COL23A1: variants seen among roughly 807,000 people sequenced by gnomAD.
COL23A1 encodes the protein collagen type XXIII alpha 1 chain, also known as collagen alpha-1(XXIII) chain.
A neutral mutation model predicts 99.3 loss-of-function variants in COL23A1; 97 were observed. The observed-to-expected ratio is 0.98, with a 90% CI of 0.83 to 1.16. The LOEUF is 1.16. Ranked by LOEUF, COL23A1 falls within the 50% of genes most tolerant of loss-of-function variation. The probability of loss-of-function intolerance (pLI) is 0.00; values close to 1 mark genes in which losing one functional copy is unlikely to be tolerated. For synonymous variants in COL23A1, 320 were observed against 308.2 expected (o/e 1.04, Z -0.40); for missense variants, 762 against 757.4 (o/e 1.01, Z -0.07).
chr5:178,486,193 A>G (rs759147694), intron 2 of COL23A1, among the ~76,000 whole-genome samples: 3 of 152,190 alleles, frequency 2.0e-5, no homozygotes, highest in Non-Finnish European at 2.9e-5. Flanking sequence ...GAAGTGAACA[A>G]CCTTGAATGT....
At chr5:178,243,844 A>C (rs1462436834) in intron 25 of COL23A1, among the ~76,000 whole-genome samples, 1 of 152,034 alleles carries the variant, frequency 6.6e-6, no homozygotes, top group Non-Finnish European at 1.5e-5. Flanking sequence ...CCTTAGCTCC[A>C]CCCTCAACTG....
intron 2 of COL23A1, among the ~76,000 whole-genome samples, chr5:178,326,146 A>G (rs1285914678): frequency 2.6e-5 from 4 of 152,130 alleles, no homozygotes; most frequent in Non-Finnish European, 4.4e-5. Flanking sequence ...CCATTTCAGG[A>G]AAGATCTCTT....
At chr5:178,294,140 G>A (rs997214085) in intron 3 of COL23A1, among the ~76,000 whole-genome samples, 2 of 152,100 alleles carry the variant, frequency 1.3e-5, no homozygotes, top group African/African-American at 2.4e-5. Flanking sequence ...ATGCAGATCT[G>A]ATCCTGACAC....
At chr5:178,249,704 A>ACTCTCTCT (rs1764910439) in intron 18 of COL23A1, among the ~76,000 whole-genome samples, 1 of 103,122 alleles carries the variant, frequency 9.7e-6, no homozygotes, top group African/African-American at 3.2e-5. Flanking sequence ...ACACACACAC[A>ACTCTCTCT]CACACACACA....
chr5:178,314,529 G>A (rs1426345282), intron 2 of COL23A1, among the ~76,000 whole-genome samples: 2 of 152,158 alleles, frequency 1.3e-5, no homozygotes, highest in East Asian at 3.9e-4. Context: ...GGGGTGGTAG[G>A]TGTCCCCAGT....
chr5:178,557,101 T>C (rs979999827), intron 2 of COL23A1, among the ~76,000 whole-genome samples: 5 of 152,162 alleles, frequency 3.3e-5, no homozygotes, highest in African/African-American at 9.6e-5. Context: ...GGAGAGTCCC[T>C]CCCACACCCC....
intron 25 of COL23A1, 55 bp from the exon 26 acceptor site, chr5:178,242,449 T>C (rs1441540666): frequency 5.7e-6 from 9 of 1,565,484 alleles, no homozygotes; most frequent in Non-Finnish European, 7.0e-6. Context: ...TTTGCCCCTC[T>C]GTTACCGGCT....
At chr5:178,549,311 GA>G (rs199711187) in intron 2 of COL23A1, among the ~76,000 whole-genome samples, 18 of 144,630 alleles carry the variant, frequency 1.2e-4, no homozygotes, top group African/African-American at 3.8e-4. Context: ...AATACTTCTT[GA>G]AAAAAAAAAT....
chr5:178,379,279 TCTCATGAGTCAGCACTG>T (rs2127733850), intron 2 of COL23A1, among the ~76,000 whole-genome samples: 1 of 152,108 alleles, frequency 6.6e-6, no homozygotes, highest in South Asian at 2.1e-4. Context: ...TTGAAAGGTA[TCTCATGAGTCAGCACTG>T]TTGACCGTAG....
intron 9 of COL23A1, among the ~76,000 whole-genome samples, chr5:178,262,550 T>C (rs1465592597): frequency 6.6e-6 from 1 of 151,874 alleles, no homozygotes; most frequent in African/African-American, 2.4e-5. Context: ...GGCAGTCTGG[T>C]GGTGGCATGG....
intron 2 of COL23A1, among the ~76,000 whole-genome samples, chr5:178,490,221 C>T (rs35114706): frequency 0.37 from 55,463 of 151,016 alleles, 11,819 homozygotes; most frequent in Admixed American, 0.5. Flanking sequence ...AGTGAAATTC[C>T]ATCTCAAAAA....
At chr5:178,312,779 T>C (rs1758772380) in intron 2 of COL23A1, among the ~76,000 whole-genome samples, 1 of 151,492 alleles carries the variant, frequency 6.6e-6, no homozygotes, top group African/African-American at 2.4e-5. Context: ...ACCCTGATCC[T>C]CCCTTCAGCC....
chr5:178,580,615 G>A lies in COL23A1; in HGVS notation c.294+9289C>T, dbSNP rs191164738. 9.8e-4 allele frequency among the ~76,000 whole-genome samples: 150 copies of A among 152,318 alleles called. 2 individuals are homozygous for A. Among genetic ancestry groups the A allele is most frequent in the Non-Finnish European group, 1.2e-4 (8 of 68,034 alleles). On this transcript the variant is annotated intron_variant, in intron 1 of 28. Transcript: ENST00000390654. ...AACTGCATAAGGGAGAAAGCTGGAG[G>A]TGGTGTGTGGCCTCTGGAGAATCTT... is the stretch of plus-strand genomic sequence containing the variant.
At chr5:178,584,809 AGACT>A (rs1449067709) in intron 1 of COL23A1, among the ~76,000 whole-genome samples, 9 of 152,208 alleles carry the variant, frequency 5.9e-5, no homozygotes, top group African/African-American at 1.9e-4. Flanking sequence ...GGTCTCTGGT[AGACT>A]GACTACCTTG....
At chr5:178,318,238 G>A (rs1759082051) in intron 2 of COL23A1, among the ~76,000 whole-genome samples, 1 of 152,232 alleles carries the variant, frequency 6.6e-6, no homozygotes, top group Non-Finnish European at 1.5e-5. Flanking sequence ...ACACATTTGT[G>A]GGGTCAGAAG....
intron 2 of COL23A1, among the ~76,000 whole-genome samples, chr5:178,358,233 T>C (rs576709250): frequency 0.017 from 1,270 of 73,510 alleles, 20 homozygotes; most frequent in African/African-American, 0.06. Context: ...AATGTGTGTA[T>C]GTGTGTATGT....
At chr5:178,337,326 G>A (rs547342906) in intron 2 of COL23A1, among the ~76,000 whole-genome samples, 1 of 152,254 alleles carries the variant, frequency 6.6e-6, no homozygotes, top group Non-Finnish European at 1.5e-5. Context: ...AGAGGTTCCC[G>A]TGGGAGTTGG....
At chr5:178,256,327 G>T in intron 15 of COL23A1, 26 bp downstream of exon 15, 3 of 1,580,534 alleles carry the variant, frequency 1.9e-6, no homozygotes, top group Non-Finnish European at 2.6e-6. Flanking sequence ...CATCCCTGAG[G>T]CCTCGCCTGA....
intron 1 of COL23A1, among the ~76,000 whole-genome samples, chr5:178,573,742 T>C (rs1438933798): frequency 2.6e-5 from 4 of 152,208 alleles, no homozygotes; most frequent in Non-Finnish European, 5.9e-5. Context: ...TACAATGAAA[T>C]ACTACTCTAT....
Sources: gnomAD v4.1 joint callset for allele counts (sites outside exome capture counted in the v4.1 genomes callset) on GRCh38, gnomAD v4.1.1 for gene constraint, MANE v1.5 for transcripts, NCBI Gene and HGNC (gene_info 2026-07-23, HGNC 2026-07-21) for gene names.